Variants in FKBP9 observed in about 807,000 individuals in gnomAD.
The protein encoded by FKBP9 is FKBP prolyl isomerase 9, also known as peptidyl-prolyl cis-trans isomerase FKBP9.
A neutral mutation model predicts 55.6 loss-of-function variants in FKBP9; 27 were observed. The observed-to-expected ratio is 0.49, with a 90% confidence interval of 0.36 to 0.67. FKBP9 has a LOEUF of 0.67. Ranked by LOEUF, FKBP9 falls within the 30% of genes least tolerant of loss-of-function variation. The pLI is 0.00. For synonymous variants in FKBP9, 267 were observed against 296.5 expected, an observed-to-expected ratio of 0.90 and a Z score of 1.02; for missense variants, 539 against 742.8, an observed-to-expected ratio of 0.73 and a Z score of 3.19.
chr7:32,991,471 C>A (rs996156818), intron 6 of FKBP9, among the ~76,000 whole-genome samples: 1 of 152,172 alleles, frequency 6.6e-6, no homozygotes, highest in South Asian at 2.1e-4. Context: ...AGGGGCTGAC[C>A]CGAGAGGGGT....
chr7:32,999,500 A>T (rs1191292181), intron 7 of FKBP9, among the ~76,000 whole-genome samples: 1 of 147,334 alleles, frequency 6.8e-6, no homozygotes. Context: ...TTAGTCTTAG[A>T]CTGCTACAGA....
rs1288699929 is a variant in FKBP9 at position 33,006,343 on chromosome 7, C to T, written c.*992C>T. ...GTGTTGGCCAGGATGGTCTCAATCT[C>T]GACCTCGTGATCCGCCCACCTTGGC... On this transcript the variant is annotated 3_prime_UTR_variant, in exon 10 of 10. Coordinates refer to ENST00000242209, the MANE Select transcript of FKBP9 (RefSeq NM_007270.5). 7.2e-5 allele frequency: 14 copies of T among 194,926 alleles called. No homozygotes were observed. The South Asian group carries it at 1.2e-3, about 16-fold the overall frequency. The allele number at this position is 194,926 out of a possible 1,614,324, so 12.1% of individuals were successfully genotyped here. A position where few individuals can be genotyped will look rare whatever the true frequency, so the allele number is the denominator to read the frequency against.
At chr7:32,957,848 C>G in intron 1 of FKBP9, 54 bp downstream of exon 1, 11 of 1,309,450 alleles carry the variant, frequency 8.4e-6, no homozygotes, top group Non-Finnish European at 1.1e-5. Context: ...TCCCTCTCTC[C>G]GGACAGGCCT....
rs201620041 is a variant in FKBP9, at chr7:32,996,160, T to C, written c.1040-3T>C. 2.5e-6 allele frequency: 4 copies of C among 1,613,934 alleles called. No individual in the cohort carries two copies. In the East Asian group the frequency reaches 6.7e-5, roughly 27 times the overall value. Reference sequence around the variant, plus strand: ...TCATTAATTCCCCGTGTCTGTCCTTTAGGGAATATCCCCGGCTCGGCTGTG... The same window carrying C: ...TCATTAATTCCCCGTGTCTGTCCTTCAGGGAATATCCCCGGCTCGGCTGTG... On this transcript the variant is annotated splice_region_variant and splice_polypyrimidine_tract_variant and intron_variant, in intron 6 of 9. Transcript: ENST00000242209.
rs780403469 is a variant in FKBP9 at position 32,979,528 on chromosome 7, C to T, written c.704-836C>T. On this transcript the variant is annotated intron_variant, in intron 4 of 9. Transcript: ENST00000242209. ...GCCAGTGGAAGGAGCTCAGGCTTGG[C>T]GGCATCTGGTTTGCTTGTCTGGGCC... The T allele has an allele frequency of 3.9e-5, 61 of 1,550,428 alleles. No individual in the cohort carries two copies. The East Asian group carries it at 6.1e-4, about 16-fold the overall frequency.
chr7:32,997,089 C>T (rs905831621), intron 7 of FKBP9, among the ~76,000 whole-genome samples: 57 of 151,940 alleles, frequency 3.8e-4, no homozygotes, highest in Middle Eastern at 6.8e-3. Flanking sequence ...CCTCCGCGCC[C>T]GGCCAAGTCT....
intron 1 of FKBP9, among the ~76,000 whole-genome samples, chr7:32,968,055 TAGAC>T (rs1378034421): frequency 6.6e-6 from 1 of 152,110 alleles, no homozygotes; most frequent in African/African-American, 2.4e-5. Context: ...GCGCCCAGCT[TAGAC>T]AGAGTCTTTT....
chr7:32,964,500 C>T (rs1784093819), intron 1 of FKBP9, among the ~76,000 whole-genome samples: 1 of 152,200 alleles, frequency 6.6e-6, no homozygotes, highest in South Asian at 2.1e-4. Flanking sequence ...AAAGCCCATC[C>T]AAGCCAACAG....
intron 1 of FKBP9, among the ~76,000 whole-genome samples, chr7:32,970,311 C>T (rs1784227738): frequency 6.6e-6 from 1 of 152,112 alleles, no homozygotes; most frequent in South Asian, 2.1e-4. Flanking sequence ...ATTCTCCTGT[C>T]TCAGCCTCCC....
intron 1 of FKBP9, among the ~76,000 whole-genome samples, chr7:32,958,642 C>CAG (rs3082625): frequency 0.29 from 44,264 of 151,950 alleles, 7,990 homozygotes; most frequent in Non-Finnish European, 0.4. Context: ...GCCTGGGAGA[C>CAG]AGAGAGAGAT....
chr7:32,966,431 G>T lies in FKBP9; in HGVS notation c.222-8186G>T, dbSNP rs528035473. On this transcript the variant is annotated intron_variant, in intron 1 of 9. Coordinates refer to ENST00000242209, the MANE Select transcript of FKBP9 (RefSeq NM_007270.5). ...AAAAACAAGCTGATGGAGAGAAAAG[G>T]AGGGTGTTGGATGTGCTAGGTGGTT... 2.0e-5 allele frequency among the ~76,000 whole-genome samples: 3 copies of T among 152,278 alleles called. No homozygotes were observed. In the South Asian group the frequency reaches 6.2e-4, roughly 32 times the overall value.
chr7:32,977,882 TGTATATATACACTC>T (rs1728939554), intron 4 of FKBP9, among the ~76,000 whole-genome samples: 3 of 128,510 alleles, frequency 2.3e-5, no homozygotes, highest in African/African-American at 9.9e-5. Flanking sequence ...TATATATATA[TGTATATATACACTC>T]ATATATATAT....
At chr7:32,961,790 G>A (rs538279996) in intron 1 of FKBP9, among the ~76,000 whole-genome samples, 2 of 151,782 alleles carry the variant, frequency 1.3e-5, no homozygotes, top group Admixed American at 6.6e-5. Context: ...CACATGGGAG[G>A]GATCTAGGTT....
intron 3 of FKBP9, among the ~76,000 whole-genome samples, chr7:32,975,941 C>T (rs982570756): frequency 1.4e-4 from 21 of 152,142 alleles, no homozygotes; most frequent in Non-Finnish European, 2.4e-4. Context: ...CCACTGCACC[C>T]GGCCGTGTAA....
intron 4 of FKBP9, among the ~76,000 whole-genome samples, chr7:32,980,063 C>T (rs901699251): frequency 6.6e-6 from 1 of 152,182 alleles, no homozygotes; most frequent in African/African-American, 2.4e-5. Context: ...TTGGGTTTGC[C>T]TGTGGGTGCC....
intron 6 of FKBP9, chr7:32,992,737 C>T (rs1436823982): frequency 9.3e-6 from 2 of 215,924 alleles, no homozygotes; most frequent in Non-Finnish European, 1.9e-5. Context: ...GAAACTCCAT[C>T]TATCCATCCA....
rs6462442 is a variant in FKBP9 at position 32,988,372 on chromosome 7, G to A, written c.894-135G>A. ...GGGGAGCATGTTTCCTGGCTGTGTC[G>A]TCAGATACTGTGGTTTACGCTGTTC... On this transcript the variant is annotated intron_variant, in intron 5 of 9. Transcript: ENST00000242209. 787 of 807,504 alleles carry A rather than the reference G, an allele frequency of 9.7e-4. 3 individuals carry two copies. The African/African-American group carries it at 0.011, about 11-fold the overall frequency. The allele number at this position is 807,504 out of a possible 1,614,324, so 50.0% of individuals were successfully genotyped here. A position where few individuals can be genotyped will look rare whatever the true frequency, so the allele number is the denominator to read the frequency against.
chr7:32,979,591 T>C, intron 4 of FKBP9: 2 of 1,542,738 alleles, frequency 1.3e-6, no homozygotes, highest in Non-Finnish European at 1.8e-6. Context: ...CAGGTAAAAC[T>C]GAGGGATTGG....
At chr7:32,963,120 G>A (rs1784057486) in intron 1 of FKBP9, among the ~76,000 whole-genome samples, 2 of 152,202 alleles carry the variant, frequency 1.3e-5, no homozygotes, top group Admixed American at 1.3e-4. Flanking sequence ...CTTGAGTTGG[G>A]CCTTGAGCAT....
Sources: gnomAD v4.1 joint callset for allele counts (sites outside exome capture counted in the v4.1 genomes callset) on GRCh38, gnomAD v4.1.1 for gene constraint, MANE v1.5 for transcripts, NCBI Gene and HGNC (gene_info 2026-07-23, HGNC 2026-07-21) for gene names.